PXYLP1: variants seen among roughly 807,000 people sequenced by gnomAD.
PXYLP1 encodes the protein acid phosphatase-like 2.
PXYLP1 carries 17 observed loss-of-function variants against 37.9 expected under a neutral mutation model. The observed-to-expected ratio is 0.45, with a 90% CI of 0.31 to 0.67. The LOEUF (loss-of-function observed/expected upper bound fraction) is 0.67. Among genes scored for constraint, PXYLP1 ranks in the 30% least tolerant of loss-of-function variants. PXYLP1 has a pLI of 0.07. For missense variants in PXYLP1, 511 were observed against 612.0 expected, an observed-to-expected ratio of 0.84 and a Z score of 1.74; for synonymous variants, 221 against 232.2, an observed-to-expected ratio of 0.95 and a Z score of 0.44.
intron 1 of PXYLP1, among the ~76,000 whole-genome samples, chr3:141,248,726 CACACACGTGTATATAT>C: frequency 5.0e-5 from 1 of 20,124 alleles, no homozygotes. Flanking sequence ...CACGTATATA[CACACACGTGTATATAT>C]ACACACGTAT....
Position 141,279,294 on chromosome 3 carries a change from G to A in PXYLP1, c.239-84G>A, listed in dbSNP as rs983173135. 8 of 1,543,744 alleles carry A rather than the reference G, an allele frequency of 5.2e-6. No individual in the cohort carries two copies. In the African/African-American group the frequency reaches 6.8e-5, roughly 13 times the overall value. The stretch of plus-strand genomic sequence containing the variant: ...TCCGGCTCAGATTCCCAGCCCAAAT[G>A]TGGCCAGGTCATCCCCTTGGCCCCC... On this transcript the variant is annotated intron_variant, in intron 3 of 5. Transcript: ENST00000286353.
chr3:141,239,527 T>TC (rs1940745206), intron 1 of PXYLP1, among the ~76,000 whole-genome samples: 1 of 151,896 alleles, frequency 6.6e-6, no homozygotes, highest in Non-Finnish European at 1.5e-5. Flanking sequence ...TGATTTTTTT[T>TC]CTCTTGTGCA....
intron 5 of PXYLP1, among the ~76,000 whole-genome samples, chr3:141,290,713 G>C (rs1473523278): frequency 6.6e-6 from 1 of 152,172 alleles, no homozygotes; most frequent in African/African-American, 2.4e-5. Context: ...ATAAAATTAG[G>C]ACCAGATGGG....
intron 1 of PXYLP1, among the ~76,000 whole-genome samples, chr3:141,236,690 A>G (rs1940665935): frequency 6.6e-6 from 1 of 152,236 alleles, no homozygotes; most frequent in Non-Finnish European, 1.5e-5. Context: ...CTCTGCAGAC[A>G]TAGGAGAATC....
chr3:141,245,045 C>CTTTTT lies in PXYLP1; in HGVS notation c.-54+13152_-54+13156dup, dbSNP rs10546747. 9.5e-4 allele frequency among the ~76,000 whole-genome samples: 101 copies of CTTTTT among 106,150 alleles called. 2 individuals are homozygous for CTTTTT. Among genetic ancestry groups the CTTTTT allele is most frequent in the South Asian group, 2.8e-3 (7 of 2,516 alleles). The allele number at this position is 106,150 out of a possible 152,430, so 69.6% of individuals were successfully genotyped here. ...AAAGGTAAGAAATGCCACTAACTCC[C>CTTTTT]TTTTTTTTTTTTTTTTTTTTTTGAG... On this transcript the variant is annotated intron_variant, in intron 1 of 5. Transcript: ENST00000286353.
intron 1 of PXYLP1, among the ~76,000 whole-genome samples, chr3:141,248,018 G>GTT (rs200024544): frequency 0.043 from 2,628 of 61,762 alleles, 67 homozygotes; most frequent in East Asian, 0.16. Context: ...AAGAGTTTTT[G>GTT]TTTTGTTTTT....
At chr3:141,237,894 A>G (rs1463867942) in intron 1 of PXYLP1, among the ~76,000 whole-genome samples, 3 of 152,188 alleles carry the variant, frequency 2.0e-5, no homozygotes, top group African/African-American at 7.2e-5. Flanking sequence ...ATTTTGACTC[A>G]TCTGTGTCTG....
At chr3:141,249,549 G>A (rs1941094883) in intron 1 of PXYLP1, among the ~76,000 whole-genome samples, 2 of 141,452 alleles carry the variant, frequency 1.4e-5, no homozygotes, top group African/African-American at 5.4e-5. Flanking sequence ...TGTACTTCCA[G>A]TCTTGCAGCC....
At chr3:141,285,724 C>T (rs921717532) in intron 4 of PXYLP1, among the ~76,000 whole-genome samples, 1 of 152,094 alleles carries the variant, frequency 6.6e-6, no homozygotes, top group Non-Finnish European at 1.5e-5. Context: ...CATTTGACTC[C>T]TGTTGATGGA....
At chr3:141,278,225 C>T (rs1941844750) in intron 2 of PXYLP1, 117 bp from the exon 3 acceptor site, 3 of 1,205,324 alleles carry the variant, frequency 2.5e-6, no homozygotes, top group South Asian at 2.9e-5. Flanking sequence ...CTGAAGTGCA[C>T]CTTGATTCTC....
intron 1 of PXYLP1, chr3:141,258,580 A>AG (rs34201622): frequency 0.018 from 2,719 of 154,564 alleles, 94 homozygotes; most frequent in African/African-American, 0.062. Context: ...ATTGAAGGAG[A>AG]GGGGGACTTC....
chr3:141,242,527 T>G (rs780774496), intron 1 of PXYLP1, among the ~76,000 whole-genome samples: 14 of 152,232 alleles, frequency 9.2e-5, no homozygotes, highest in Admixed American at 4.6e-4. Flanking sequence ...AAGGGTGATT[T>G]CCTTCGTTCT....
intron 4 of PXYLP1, 46 bp downstream of exon 4, chr3:141,279,550 T>TGTAGGATAGAGAATGA: frequency 6.2e-7 from 1 of 1,610,874 alleles, no homozygotes; most frequent in Non-Finnish European, 8.5e-7. Flanking sequence ...GTCTGTTATA[T>TGTAGGATAGAGAATGA]CCTGTAGGAT....
At chr3:141,262,617 A>G in intron 2 of PXYLP1, 2 of 1,478,312 alleles carry the variant, frequency 1.4e-6, no homozygotes, top group South Asian at 2.7e-5. Context: ...TTTAAGGAAA[A>G]TTTTGCAGGG....
In PXYLP1 at chr3:141,294,209, C is replaced by T. The variant is rs1942298754; in HGVS notation, c.*1004C>T. Reference sequence around the variant, plus strand: ...TTTCTAAGACCAGTTTTAGATGACTCTTATTCCTGTAGTAATATTCAATTT... The same window carrying T: ...TTTCTAAGACCAGTTTTAGATGACTTTTATTCCTGTAGTAATATTCAATTT... On this transcript the variant is annotated 3_prime_UTR_variant, in exon 6 of 6. Coordinates refer to ENST00000286353, the MANE Select transcript of PXYLP1 (RefSeq NM_001037172.3). 6.6e-6 allele frequency: 1 copy of T among 152,196 alleles called. No homozygotes were observed. Among genetic ancestry groups the T allele is most frequent in the Non-Finnish European group, 1.5e-5 (1 of 68,024 alleles). The allele number at this position is 152,196 out of a possible 1,614,324, so 9.4% of individuals were successfully genotyped here. A position where few individuals can be genotyped will look rare whatever the true frequency, so the allele number is the denominator to read the frequency against.
At chr3:141,266,347 G>A (rs964102620) in intron 2 of PXYLP1, among the ~76,000 whole-genome samples, 5 of 152,340 alleles carry the variant, frequency 3.3e-5, no homozygotes, top group Non-Finnish European at 5.9e-5. Flanking sequence ...CAGCTGAGTC[G>A]GGGCTGCCAC....
chr3:141,259,624 T>C (rs1000367070), intron 1 of PXYLP1, among the ~76,000 whole-genome samples: 6 of 152,036 alleles, frequency 3.9e-5, no homozygotes, highest in East Asian at 1.9e-4. Flanking sequence ...ACCCAGACCA[T>C]CCCCCAAGGC....
intron 2 of PXYLP1, chr3:141,262,566 G>A (rs1468661549): frequency 7.9e-7 from 1 of 1,272,508 alleles, no homozygotes; most frequent in Non-Finnish European, 1.1e-6. Context: ...TCTTCTGAAA[G>A]TACCTTCTGT....
At chr3:141,237,781 G>T (rs1451222668) in intron 1 of PXYLP1, among the ~76,000 whole-genome samples, 6 of 152,202 alleles carry the variant, frequency 3.9e-5, no homozygotes, top group Admixed American at 1.3e-4. Flanking sequence ...ATGAATGGCG[G>T]TGCAGATCGA....
Sources: allele counts gnomAD v4.1 joint callset (sites outside exome capture counted in the v4.1 genomes callset), GRCh38; gene constraint gnomAD v4.1.1; transcripts MANE v1.5; gene names NCBI Gene and HGNC (gene_info 2026-07-23, HGNC 2026-07-21).